AUTS2: variants seen among roughly 807,000 people sequenced by gnomAD.
AUTS2 encodes activator of transcription and developmental regulator AUTS2.
AUTS2 carries 17 observed loss-of-function variants against 112.4 expected under a neutral mutation model. That is an observed-to-expected ratio of 0.15 (90% confidence interval 0.10 to 0.23). AUTS2 has a LOEUF of 0.23. Ranked by LOEUF, AUTS2 falls within the 10% of genes least tolerant of loss-of-function variation. The pLI is 1.00. For synonymous variants in AUTS2, 751 were observed against 702.7 expected (o/e 1.07, Z -1.09); for missense variants, 1,510 against 1,701.6 (o/e 0.89, Z 1.98).
At chr7:70,755,713 C>T (rs112905098) in intron 6 of AUTS2, among the ~76,000 whole-genome samples, 9 of 152,046 alleles carry the variant, frequency 5.9e-5, no homozygotes, top group African/African-American at 1.9e-4. Context: ...AAGACTTGAA[C>T]GATCACTTTC....
At chr7:70,185,168 C>A (rs1686822948) in intron 4 of AUTS2, among the ~76,000 whole-genome samples, 1 of 151,806 alleles carries the variant, frequency 6.6e-6, no homozygotes, top group Non-Finnish European at 1.5e-5. Context: ...ATTTGCAACA[C>A]CCTTGGCATC....
rs547189909 is a variant in AUTS2 at position 70,117,794 on chromosome 7, T to C, written c.523-338T>C. On this transcript the variant is annotated intron_variant, in intron 2 of 18. Coordinates refer to ENST00000342771, the MANE Select transcript of AUTS2 (RefSeq NM_015570.4). ...ACGGAGTCTTAACGCTGTCGCCCAG[T>C]CTGGAGTGCACTGGTGCAATCTCAG... Among the ~76,000 whole-genome samples, 194 of 151,934 alleles carry C rather than the reference T, an allele frequency of 1.3e-3. 3 individuals are homozygous for C. The highest frequency in any genetic ancestry group is 4.4e-3 in the African/African-American group (184 of 41,414).
At chr7:69,699,376 C>G (rs1320722365) in intron 1 of AUTS2, among the ~76,000 whole-genome samples, 1 of 152,062 alleles carries the variant, frequency 6.6e-6, no homozygotes, top group Non-Finnish European at 1.5e-5. Context: ...TGTGTGTACT[C>G]TCCTATTTGT....
chr7:69,920,959 C>G (rs754905036), intron 2 of AUTS2, among the ~76,000 whole-genome samples: 4 of 152,132 alleles, frequency 2.6e-5, no homozygotes, highest in African/African-American at 9.7e-5. Flanking sequence ...ATGATACGTG[C>G]TTAATTTTTC....
At chr7:70,009,478 G>T (rs1799698680) in intron 2 of AUTS2, among the ~76,000 whole-genome samples, 1 of 152,112 alleles carries the variant, frequency 6.6e-6, no homozygotes, top group Non-Finnish European at 1.5e-5. Flanking sequence ...AATAGAAGTG[G>T]GCTGTATTCT....
At chr7:70,524,251 C>T (rs567718438) in intron 5 of AUTS2, among the ~76,000 whole-genome samples, 21 of 152,286 alleles carry the variant, frequency 1.4e-4, no homozygotes, top group African/African-American at 4.8e-4. Flanking sequence ...TTCACATTTT[C>T]CAGAGGCCTG....
At chr7:69,698,525 T>A (rs1173203612) in intron 1 of AUTS2, among the ~76,000 whole-genome samples, 1 of 152,174 alleles carries the variant, frequency 6.6e-6, no homozygotes, top group Non-Finnish European at 1.5e-5. Context: ...GGGGGTTCCT[T>A]CTTAGTAGGA....
chr7:69,819,905 A>T (rs1184063855), intron 1 of AUTS2, among the ~76,000 whole-genome samples: 1 of 152,172 alleles, frequency 6.6e-6, no homozygotes. Context: ...AGCCCCCAGT[A>T]AGCTTTATTA....
At chr7:69,604,194 C>T (rs927793124) in intron 1 of AUTS2, among the ~76,000 whole-genome samples, 1 of 152,238 alleles carries the variant, frequency 6.6e-6, no homozygotes, top group Non-Finnish European at 1.5e-5. Flanking sequence ...TCAGGGCTTC[C>T]CCCACACATC....
intron 5 of AUTS2, among the ~76,000 whole-genome samples, chr7:70,592,741 C>CCCACAGAG (rs1268246636): frequency 6.6e-6 from 1 of 152,146 alleles, no homozygotes; most frequent in African/African-American, 2.4e-5. Flanking sequence ...CCCATGGTGA[C>CCCACAGAG]CCACAGAGTG....
At chr7:70,744,649 C>G (rs1406621990) in intron 6 of AUTS2, among the ~76,000 whole-genome samples, 1 of 152,168 alleles carries the variant, frequency 6.6e-6, no homozygotes, top group Non-Finnish European at 1.5e-5. Flanking sequence ...GAGCGAGGCT[C>G]CATGCAGACA....
chr7:69,729,307 G>T (rs777228910), intron 1 of AUTS2, among the ~76,000 whole-genome samples: 1 of 151,362 alleles, frequency 6.6e-6, no homozygotes, highest in Non-Finnish European at 1.5e-5. Context: ...ACACATACTC[G>T]CATGCACACA....
intron 4 of AUTS2, among the ~76,000 whole-genome samples, chr7:70,246,382 G>A (rs1170631159): frequency 6.6e-6 from 1 of 151,988 alleles, no homozygotes; most frequent in Non-Finnish European, 1.5e-5. Flanking sequence ...TGTGAGGTAA[G>A]GTAAGGGTTC....
intron 2 of AUTS2, among the ~76,000 whole-genome samples, chr7:70,022,121 A>T (rs1800302207): frequency 6.7e-6 from 1 of 149,910 alleles, no homozygotes; most frequent in South Asian, 2.2e-4. Context: ...ACTAGATGAC[A>T]TATTTTCCAG....
At chr7:70,021,247 G>T (rs1285790991) in intron 2 of AUTS2, among the ~76,000 whole-genome samples, 1 of 152,224 alleles carries the variant, frequency 6.6e-6, no homozygotes, top group Non-Finnish European at 1.5e-5. Context: ...CTCCCAAAGT[G>T]CTGGGATTAC....
In AUTS2 at chr7:70,312,282, CTTATTTTTTTCTTCTTTGGG is replaced by C. The variant is rs376498326; in HGVS notation, c.661-123455_661-123436del. Among the ~76,000 whole-genome samples the C allele has an allele frequency of 7.2e-4, 110 of 152,234 alleles. 5 individuals are homozygous for C. Among genetic ancestry groups the C allele is most frequent in the African/African-American group, 2.5e-3 (103 of 41,544 alleles). On this transcript the variant is annotated intron_variant, in intron 4 of 18. Transcript: ENST00000342771. ...GATTACTTTAGAAAGATCCATTTAG[CTTATTTTTTTCTTCTTTGGG>C]TTATTTTTTTCTTCCTTCCATTTGC...
At chr7:69,771,278 A>G (rs368410071) in intron 1 of AUTS2, among the ~76,000 whole-genome samples, 12 of 152,224 alleles carry the variant, frequency 7.9e-5, no homozygotes, top group South Asian at 2.1e-4. Flanking sequence ...AATTTTCCCT[A>G]TAGCTTTAGC....
chr7:69,883,357 C>T (rs1369201977), intron 1 of AUTS2, among the ~76,000 whole-genome samples: 1 of 149,490 alleles, frequency 6.7e-6, no homozygotes, highest in African/African-American at 2.5e-5. Context: ...TTGAGACTAT[C>T]CATAGTACTC....
chr7:70,281,050 G>A (rs1788191204), intron 4 of AUTS2, among the ~76,000 whole-genome samples: 1 of 152,066 alleles, frequency 6.6e-6, no homozygotes, highest in East Asian at 1.9e-4. Flanking sequence ...CTGTGTGTGT[G>A]GAAAGTGATA....
Sources: allele counts gnomAD v4.1 joint callset (sites outside exome capture counted in the v4.1 genomes callset), GRCh38; gene constraint gnomAD v4.1.1; transcripts MANE v1.5; gene names NCBI Gene and HGNC (gene_info 2026-07-23, HGNC 2026-07-21).